CACNA1A: variants seen among roughly 807,000 people sequenced by gnomAD.
The protein encoded by CACNA1A is calcium voltage-gated channel subunit alpha1 A.
Under a neutral mutation model 262.4 loss-of-function variants are expected in CACNA1A, and 57 were observed. The ratio of observed to expected loss-of-function variants is 0.22; its 90% CI spans 0.18 to 0.27. The LOEUF is 0.27. Ranked by LOEUF, CACNA1A falls within the 10% of genes least tolerant of loss-of-function variation. The pLI is 1.00. For synonymous variants in CACNA1A, 1,431 were observed against 1,419.3 expected (o/e 1.01, Z -0.18); for missense variants, 2,526 against 3,562.8 (o/e 0.71, Z 7.41).
chr19:13,443,884 G>C (rs2060766133), intron 3 of CACNA1A, among the ~76,000 whole-genome samples: 1 of 152,148 alleles, frequency 6.6e-6, no homozygotes, highest in Non-Finnish European at 1.5e-5. Context: ...TAACCTCTCT[G>C]AGCCTCAGAT....
At chr19:13,463,116 G>T (rs1270654323) in intron 1 of CACNA1A, among the ~76,000 whole-genome samples, 1 of 151,084 alleles carries the variant, frequency 6.6e-6, no homozygotes, top group Non-Finnish European at 1.5e-5. Flanking sequence ...AGCTATCCTG[G>T]TTAGAAGATA....
intron 3 of CACNA1A, among the ~76,000 whole-genome samples, chr19:13,373,003 C>T (rs549750480): frequency 2.4e-4 from 36 of 152,296 alleles, no homozygotes; most frequent in South Asian, 2.1e-3. Flanking sequence ...TGAACATGTC[C>T]ATTTCAGAGC....
intron 1 of CACNA1A, among the ~76,000 whole-genome samples, chr19:13,459,329 C>T (rs931505824): frequency 2.6e-5 from 4 of 152,206 alleles, no homozygotes; most frequent in Admixed American, 6.5e-5. Flanking sequence ...GGTGGGAAAA[C>T]GGAGTCTGAA....
In CACNA1A at chr19:13,474,816, C is replaced by CAAA. The variant is rs58540948; in HGVS notation, c.294-19607_294-19605dup. Among the ~76,000 whole-genome samples the CAAA allele has an allele frequency of 3.4e-3, 424 of 126,470 alleles. 4 individuals are homozygous for CAAA. The highest frequency in any genetic ancestry group is 0.011 in the African/African-American group (386 of 35,966). 83.0% of individuals were successfully genotyped at this position (126,470 alleles called of 152,430 possible). ...TGGGCAACAGAGGGAGACTCCGTCT[C>CAAA]AAAAAAAAAAAAAATGCAATGAGTT... is the stretch of plus-strand genomic sequence containing the variant. On this transcript the variant is annotated intron_variant, in intron 1 of 46. Coordinates refer to ENST00000360228, the MANE Select transcript of CACNA1A (RefSeq NM_001127222.2).
Position 13,447,341 on chromosome 19 carries a change from T to C in CACNA1A, c.539+5535A>G, listed in dbSNP as rs182891160. On this transcript the variant is annotated intron_variant, in intron 3 of 46. Transcript: ENST00000360228. ...AGGAATGAGTCTAGAATCTCTTCCA[T>C]CAGATGACAGGAAACTAGAAGAAAG... is the stretch of plus-strand genomic sequence containing the variant. Among the ~76,000 whole-genome samples, 6 of 152,278 alleles carry C rather than the reference T, an allele frequency of 3.9e-5. No homozygotes were observed. In the East Asian group the frequency reaches 7.7e-4, roughly 20 times the overall value.
intron 31 of CACNA1A, among the ~76,000 whole-genome samples, chr19:13,240,757 A>C (rs975096536): frequency 8.7e-6 from 1 of 115,400 alleles, no homozygotes; most frequent in Non-Finnish European, 1.8e-5. Context: ...GTCTGTGTGC[A>C]GTGACTGTGT....
At chr19:13,388,164 T>G (rs1284900123) in intron 3 of CACNA1A, among the ~76,000 whole-genome samples, 1 of 135,606 alleles carries the variant, frequency 7.4e-6, no homozygotes, top group Non-Finnish European at 1.7e-5. Flanking sequence ...CACTCCTAGG[T>G]TGAGGACTGA....
At chr19:13,417,022 G>C (rs1016728963) in intron 3 of CACNA1A, among the ~76,000 whole-genome samples, 11 of 152,066 alleles carry the variant, frequency 7.2e-5, no homozygotes, top group Non-Finnish European at 1.5e-4. Flanking sequence ...CGAATTGCAC[G>C]GTACAGCTCA....
rs562002362 is a variant in CACNA1A, at chr19:13,416,563, C to T, written c.539+36313G>A. On this transcript the variant is annotated intron_variant, in intron 3 of 46. Coordinates refer to ENST00000360228, the MANE Select transcript of CACNA1A (RefSeq NM_001127222.2). ...GGGCGCGGTGGCTCACACCTGTAAT[C>T]CCAGCACTTTGGGAGGCTGAGGCGG... is the stretch of plus-strand genomic sequence containing the variant. Among the ~76,000 whole-genome samples the T allele has an allele frequency of 2.0e-3, 308 of 152,292 alleles. 2 individuals are homozygous for T. The highest frequency in any genetic ancestry group is 5.0e-3 in the Admixed American group (77 of 15,292).
chr19:13,339,295 A>G (rs2058634516), intron 6 of CACNA1A, among the ~76,000 whole-genome samples: 1 of 152,174 alleles, frequency 6.6e-6, no homozygotes, highest in Admixed American at 6.6e-5. Context: ...ATCCTGTATG[A>G]TTCCATTTAT....
At chr19:13,334,897 G>A (rs1273952393) in intron 7 of CACNA1A, among the ~76,000 whole-genome samples, 3 of 152,004 alleles carry the variant, frequency 2.0e-5, no homozygotes, top group Admixed American at 2.0e-4. Context: ...AGCTGGGCAT[G>A]GTGGCATACA....
chr19:13,274,693 A>G (rs1000005423), intron 24 of CACNA1A: 1 of 152,262 alleles, frequency 6.6e-6, no homozygotes, highest in Admixed American at 6.5e-5. Context: ...ATCTTGAAAT[A>G]GTCACCCAGA....
At chr19:13,226,957 C>G (rs1037910502) in intron 37 of CACNA1A, 3 of 152,670 alleles carry the variant, frequency 2.0e-5, no homozygotes, top group African/African-American at 7.2e-5. Flanking sequence ...TTCAGGTGTG[C>G]GTGGCAGGGG....
intron 10 of CACNA1A, among the ~76,000 whole-genome samples, chr19:13,322,202 G>GAAAAAAAAAAAA (rs368879293): frequency 1.1e-5 from 1 of 90,082 alleles, no homozygotes. Context: ...ACTTGTCTCA[G>GAAAAAAAAAAAA]AAAAAAAAAA....
At chr19:13,393,795 T>TCCC (rs2059760922) in intron 3 of CACNA1A, among the ~76,000 whole-genome samples, 3 of 78,826 alleles carry the variant, frequency 3.8e-5, no homozygotes, top group Admixed American at 3.4e-4. Flanking sequence ...CCTTCCTTCC[T>TCCC]TCCCTCCCTC....
intron 1 of CACNA1A, among the ~76,000 whole-genome samples, chr19:13,461,913 A>G (rs1369400330): frequency 6.6e-6 from 1 of 152,192 alleles, no homozygotes; most frequent in Non-Finnish European, 1.5e-5. Context: ...ACAGCCCTGC[A>G]GGCAGGTGAG....
At chr19:13,333,474 G>T (rs1266812062) in intron 8 of CACNA1A, among the ~76,000 whole-genome samples, 1 of 151,690 alleles carries the variant, frequency 6.6e-6, no homozygotes, top group Non-Finnish European at 1.5e-5. Flanking sequence ...TCACTCTGTT[G>T]CCCAGGCTGG....
rs1036697573 is a variant in CACNA1A, at chr19:13,311,565, T to C, written c.1668+1104A>G. ...TATAAATTATTAAGCTGGCTGGGTG[T>C]GGTGGCTCACGCCTGTAATCCCAGC... On this transcript the variant is annotated intron_variant, in intron 12 of 46. Transcript: ENST00000360228. 7.2e-5 allele frequency among the ~76,000 whole-genome samples: 11 copies of C among 152,276 alleles called. No individual in the cohort carries two copies. The East Asian group carries it at 9.7e-4, about 13-fold the overall frequency.
intron 6 of CACNA1A, among the ~76,000 whole-genome samples, chr19:13,349,376 T>C (rs917414339): frequency 3.3e-5 from 5 of 152,038 alleles, no homozygotes; most frequent in Admixed American, 2.0e-4. Flanking sequence ...AGAGGGTAGG[T>C]CCTGTACCCC....
Sources: gnomAD v4.1 joint callset for allele counts (sites outside exome capture counted in the v4.1 genomes callset) on GRCh38, gnomAD v4.1.1 for gene constraint, MANE v1.5 for transcripts, NCBI Gene and HGNC (gene_info 2026-07-23, HGNC 2026-07-21) for gene names.